The following GALNT13 variants were observed in gnomAD, a reference collection of about 807,000 sequenced individuals.
GALNT13 encodes the protein UDP-GalNAc:polypeptide N-acetylgalactosaminyltransferase 13.
A neutral mutation model predicts 64.2 loss-of-function variants in GALNT13; 28 were observed. The ratio of observed to expected loss-of-function variants is 0.44; its 90% CI spans 0.32 to 0.60. The LOEUF (loss-of-function observed/expected upper bound fraction) is 0.60, where lower values mean the gene tolerates loss of function less well. GALNT13 is among the 20% of genes least tolerant of loss of function. The pLI is 0.05. For missense variants in GALNT13, 577 were observed against 669.8 expected (o/e 0.86, Z 1.53); for synonymous variants, 214 against 224.6 (o/e 0.95, Z 0.42).
the GALNT13 span, among the ~76,000 whole-genome samples, chr2:153,605,831 A>C: frequency 6.6e-6 from 1 of 152,054 alleles, no homozygotes; most frequent in Non-Finnish European, 1.5e-5. Flanking sequence ...TCTGAGTTAA[A>C]CCACTTTGAA....
the GALNT13 span, among the ~76,000 whole-genome samples, chr2:153,295,573 T>G: frequency 6.6e-6 from 1 of 150,918 alleles, no homozygotes; most frequent in Non-Finnish European, 1.5e-5. Flanking sequence ...TCAGATCCTC[T>G]GGGTATGGAA....
the GALNT13 span, among the ~76,000 whole-genome samples, chr2:153,071,902 G>T: frequency 6.6e-6 from 1 of 152,116 alleles, no homozygotes. Context: ...GTTCTATCTG[G>T]TTCTTTACAG....
chr2:153,788,920 A>G, the GALNT13 span, among the ~76,000 whole-genome samples: 1 of 152,232 alleles, frequency 6.6e-6, no homozygotes, highest in Non-Finnish European at 1.5e-5. Context: ...ATGTATATGC[A>G]CCCAACACGA....
intron 9 of GALNT13, among the ~76,000 whole-genome samples, chr2:154,316,513 G>A (rs746048201): frequency 4.6e-5 from 7 of 152,070 alleles, no homozygotes; most frequent in African/African-American, 9.7e-5. Context: ...TATAAAACTA[G>A]CTGTCTCAGT....
intron 2 of GALNT13, among the ~76,000 whole-genome samples, chr2:153,941,539 A>G (rs1691341829): frequency 1.3e-5 from 2 of 152,206 alleles, no homozygotes; most frequent in South Asian, 2.1e-4. Flanking sequence ...GTATTTGCAA[A>G]TAAGTAGGGG....
At chr2:153,361,052 C>T in the GALNT13 span, among the ~76,000 whole-genome samples, 13 of 152,140 alleles carry the variant, frequency 8.5e-5, no homozygotes, top group Admixed American at 7.2e-4. Flanking sequence ...CCAGCCTCTT[C>T]GAGTGACATA....
chr2:153,097,891 C>T, the GALNT13 span, among the ~76,000 whole-genome samples: 113 of 152,174 alleles, frequency 7.4e-4, 1 homozygote, highest in Non-Finnish European at 1.4e-3. Flanking sequence ...CATGGTGAAA[C>T]CCCCTCTCTG....
the GALNT13 span, among the ~76,000 whole-genome samples, chr2:153,550,400 A>ATT: frequency 2.7e-5 from 4 of 147,050 alleles, no homozygotes; most frequent in African/African-American, 9.9e-5. Flanking sequence ...ACACTCAGCT[A>ATT]TTTTTTTTTT....
chr2:154,337,694 A>G (rs549559168), intron 9 of GALNT13, among the ~76,000 whole-genome samples: 1 of 152,256 alleles, frequency 6.6e-6, no homozygotes, highest in African/African-American at 2.4e-5. Flanking sequence ...GGCCATATAC[A>G]GTAAATATTA....
chr2:153,388,960 G>A, the GALNT13 span, among the ~76,000 whole-genome samples: 2 of 151,972 alleles, frequency 1.3e-5, no homozygotes, highest in Non-Finnish European at 2.9e-5. Context: ...CCTCAGATAG[G>A]GCTAACAGCC....
chr2:153,822,987 C>A, the GALNT13 span, among the ~76,000 whole-genome samples: 1 of 151,996 alleles, frequency 6.6e-6, no homozygotes, highest in Admixed American at 6.6e-5. Context: ...AATGTTCAAC[C>A]TGAGAGTCAA....
intron 3 of GALNT13, among the ~76,000 whole-genome samples, chr2:154,129,090 A>G (rs2105540872): frequency 6.6e-6 from 1 of 152,242 alleles, no homozygotes. Context: ...CTCAAGCAAT[A>G]TATTCTGATT....
At chr2:153,372,654 AAAAG>A in the GALNT13 span, among the ~76,000 whole-genome samples, 3 of 151,894 alleles carry the variant, frequency 2.0e-5, no homozygotes, top group African/African-American at 4.8e-5. Context: ...CAAAAAAAAA[AAAAG>A]AAAGAAGGAA....
At chr2:153,136,937 C>T in the GALNT13 span, among the ~76,000 whole-genome samples, 2 of 151,792 alleles carry the variant, frequency 1.3e-5, no homozygotes, top group Non-Finnish European at 2.9e-5. Flanking sequence ...GCTCCATCTG[C>T]CTGTCCTGAG....
At chr2:154,063,737 A>T (rs1043841969) in intron 3 of GALNT13, among the ~76,000 whole-genome samples, 1 of 152,208 alleles carries the variant, frequency 6.6e-6, no homozygotes, top group Non-Finnish European at 1.5e-5. Flanking sequence ...AATGATGAAT[A>T]TTAAATGAGA....
At chr2:153,277,928 T>C in the GALNT13 span, among the ~76,000 whole-genome samples, 1 of 69,188 alleles carries the variant, frequency 1.4e-5, no homozygotes, top group African/African-American at 6.0e-5. Context: ...CTTTTCTTTC[T>C]TTTTTTTTTT....
the GALNT13 span, among the ~76,000 whole-genome samples, chr2:153,119,533 A>G: frequency 4.6e-5 from 7 of 152,234 alleles, no homozygotes; most frequent in African/African-American, 1.7e-4. Context: ...TATACATAAA[A>G]TAAGATAAAA....
At chr2:153,893,554 A>G (rs1687693515) in intron 1 of GALNT13, among the ~76,000 whole-genome samples, 1 of 152,118 alleles carries the variant, frequency 6.6e-6, no homozygotes, top group South Asian at 2.1e-4. Context: ...CTGAATTTAT[A>G]TACATATATA....
chr2:154,020,238 T>C lies in GALNT13; in HGVS notation c.142+75599T>C, dbSNP rs1422815953. On this transcript the variant is annotated intron_variant, in intron 3 of 12. Transcript: ENST00000392825. ...CCAGTAATGGGATGGCTGGGTCAAA[T>C]GGTATTTCTAGTTCTAGATCCCTGA... 2.6e-5 allele frequency among the ~76,000 whole-genome samples: 4 copies of C among 152,288 alleles called. No homozygotes were observed. In the East Asian group the frequency reaches 7.7e-4, roughly 29 times the overall value.
Sources: gnomAD v4.1 joint callset for allele counts (sites outside exome capture counted in the v4.1 genomes callset) on GRCh38, gnomAD v4.1.1 for gene constraint, MANE v1.5 for transcripts, NCBI Gene and HGNC (gene_info 2026-07-23, HGNC 2026-07-21) for gene names.